The following FAM76A variants were observed in gnomAD, a reference collection of about 807,000 sequenced individuals.
FAM76A encodes protein FAM76A.
A neutral mutation model predicts 46.2 loss-of-function variants in FAM76A; 32 were observed. That is an observed-to-expected ratio of 0.69 (90% CI 0.52 to 0.93). The LOEUF is 0.93. FAM76A is among the 40% of genes least tolerant of loss of function. The probability of loss-of-function intolerance (pLI) is 0.00; values close to 1 mark genes in which losing one functional copy is unlikely to be tolerated. For synonymous variants in FAM76A, 137 were observed against 127.0 expected (o/e 1.08, Z -0.53); for missense variants, 274 against 361.5 (o/e 0.76, Z 1.96).
rs554098345 is a variant in FAM76A, at chr1:27,761,149, T to C, written c.*568T>C. ...GGTTTTTTTCCAGATGTATTATGTA[T>C]GAACTTTGTACTATGTATAGCCAGA... On this transcript the variant is annotated 3_prime_UTR_variant, in exon 9 of 9. Coordinates refer to ENST00000373954, the MANE Select transcript of FAM76A (RefSeq NM_152660.3). 6.6e-6 allele frequency: 1 copy of C among 152,384 alleles called. No homozygotes were observed. Among genetic ancestry groups the C allele is most frequent in the Non-Finnish European group, 1.5e-5 (1 of 68,010 alleles). The allele number at this position is 152,384 out of a possible 1,614,324, so 9.4% of individuals were successfully genotyped here. A position where few individuals can be genotyped will look rare whatever the true frequency, so the allele number is the denominator to read the frequency against.
chr1:27,745,209 C>G (rs2088222568), intron 5 of FAM76A, among the ~76,000 whole-genome samples: 1 of 152,012 alleles, frequency 6.6e-6, no homozygotes, highest in Non-Finnish European at 1.5e-5. Flanking sequence ...AAAAAGATGT[C>G]TTTTCATTGT....
intron 4 of FAM76A, chr1:27,739,082 C>G (rs1262069682): frequency 3.4e-6 from 1 of 297,150 alleles, no homozygotes; most frequent in Non-Finnish European, 6.6e-6. Flanking sequence ...TGCAGATAGC[C>G]CACTACACTA....
chr1:27,745,680 T>C (rs2088230273), intron 5 of FAM76A, among the ~76,000 whole-genome samples: 2 of 152,056 alleles, frequency 1.3e-5, no homozygotes, highest in Non-Finnish European at 2.9e-5. Context: ...ATGAGGGTAG[T>C]AATTAACTGC....
intron 1 of FAM76A, 67 bp downstream of exon 1, chr1:27,726,228 T>C: frequency 4.1e-6 from 5 of 1,209,082 alleles, no homozygotes; most frequent in Non-Finnish European, 5.2e-6. Flanking sequence ...CTCCAGATTC[T>C]GTGGGGACGC....
At chr1:27,731,221 T>C (rs1318769019) in intron 2 of FAM76A, among the ~76,000 whole-genome samples, 3 of 143,390 alleles carry the variant, frequency 2.1e-5, no homozygotes, top group African/African-American at 8.6e-5. Context: ...TTTTTTTTTT[T>C]TCGAGACACA....
intron 5 of FAM76A, among the ~76,000 whole-genome samples, chr1:27,746,703 G>A (rs190939675): frequency 3.9e-4 from 59 of 152,210 alleles, no homozygotes; most frequent in Non-Finnish European, 2.1e-4. Flanking sequence ...CTCCATGCTC[G>A]GTGACAGAGC....
At chr1:27,732,513 C>T (rs1571468466) in intron 2 of FAM76A, 90 bp from the exon 3 acceptor site, 1 of 1,062,688 alleles carries the variant, frequency 9.4e-7, no homozygotes, top group Non-Finnish European at 1.4e-6. Context: ...CTCACTTTGG[C>T]CCTTAGCAAT....
intron 4 of FAM76A, among the ~76,000 whole-genome samples, chr1:27,736,104 G>A (rs778107662): frequency 3.9e-5 from 6 of 152,016 alleles, no homozygotes; most frequent in South Asian, 4.1e-4. Flanking sequence ...GATGGATCAC[G>A]AGGTCAGGAG....
intron 5 of FAM76A, among the ~76,000 whole-genome samples, chr1:27,745,327 T>C (rs543854933): frequency 6.6e-6 from 1 of 152,250 alleles, no homozygotes; most frequent in African/African-American, 2.4e-5. Flanking sequence ...AGTTTTCTCA[T>C]CTGTAAAATG....
Position 27,726,072 on chromosome 1 carries a change from G to A in FAM76A, c.-9G>A, listed in dbSNP as rs2087852591. 6.5e-6 allele frequency: 8 copies of A among 1,238,466 alleles called. No individual in the cohort carries two copies. The East Asian group carries it at 2.2e-4, about 35-fold the overall frequency. 76.7% of individuals were successfully genotyped at this position (1,238,466 alleles called of 1,614,324 possible). On this transcript the variant is annotated 5_prime_UTR_variant, in exon 1 of 9. Coordinates refer to ENST00000373954, the MANE Select transcript of FAM76A (RefSeq NM_152660.3). ...GCCGGCGGGTCGGTGAGCGCGGCCC[G>A]GGCCGGACATGGCGGCGCTCTACGC... is the stretch of plus-strand genomic sequence containing the variant.
intron 7 of FAM76A, among the ~76,000 whole-genome samples, chr1:27,758,514 T>A (rs2148588562): frequency 6.6e-6 from 1 of 152,216 alleles, no homozygotes; most frequent in African/African-American, 2.4e-5. Context: ...TTATTTTTAT[T>A]TTTTTGAGAC....
chr1:27,740,486 A>G (rs2088132684), intron 4 of FAM76A: 1 of 1,464,232 alleles, frequency 6.8e-7, no homozygotes, highest in Admixed American at 1.7e-5. Context: ...AGGTCCTGAC[A>G]CTGTCCACAA....
chr1:27,751,298 T>G (rs776183241), intron 6 of FAM76A, among the ~76,000 whole-genome samples: 1 of 152,264 alleles, frequency 6.6e-6, no homozygotes, highest in Non-Finnish European at 1.5e-5. Flanking sequence ...ATTAGCATTT[T>G]TAACATTCTA....
intron 2 of FAM76A, 27 bp downstream of exon 2, chr1:27,727,563 A>G: frequency 1.3e-6 from 2 of 1,570,304 alleles, no homozygotes; most frequent in African/African-American, 2.7e-5. Flanking sequence ...CATGAAAGAT[A>G]TTAATAGGCT....
chr1:27,739,783 G>A (rs1009579986), intron 4 of FAM76A, among the ~76,000 whole-genome samples: 1 of 152,114 alleles, frequency 6.6e-6, no homozygotes, highest in African/African-American at 2.4e-5. Flanking sequence ...GTGAGACCCT[G>A]TCACAAAAAT....
intron 6 of FAM76A, among the ~76,000 whole-genome samples, chr1:27,750,248 T>A (rs1045712993): frequency 4.6e-5 from 7 of 152,358 alleles, no homozygotes; most frequent in Middle Eastern, 3.4e-3. Context: ...TCTTTCCCAT[T>A]GCCTTTTTTG....
Position 27,760,950 on chromosome 1 carries a change from T to G in FAM76A, c.*369T>G, listed in dbSNP as rs1162323705. ...GTGCAGAATGATTTGTTTTTTGTTT[T>G]TTTTTTTTTTTTTGGTCCTTCATTG... On this transcript the variant is annotated 3_prime_UTR_variant, in exon 9 of 9. Transcript: ENST00000373954. 2.8e-5 allele frequency: 4 copies of G among 140,696 alleles called. No individual in the cohort carries two copies. Among genetic ancestry groups the G allele is most frequent in the Non-Finnish European group, 6.0e-5 (4 of 66,124 alleles). The allele number at this position is 140,696 out of a possible 1,614,324, so 8.7% of individuals were successfully genotyped here. A position where few individuals can be genotyped will look rare whatever the true frequency, so the allele number is the denominator to read the frequency against.
In FAM76A at chr1:27,744,651, C is replaced by T. The variant is rs1392688034; in HGVS notation, c.355-3C>T. 6.2e-7 allele frequency: 1 copy of T among 1,613,620 alleles called. No homozygotes were observed. Among genetic ancestry groups the T allele is most frequent in the African/African-American group, 1.3e-5 (1 of 74,902 alleles). On this transcript the variant is annotated splice_polypyrimidine_tract_variant and splice_region_variant and intron_variant, in intron 4 of 8. Coordinates refer to ENST00000373954, the MANE Select transcript of FAM76A (RefSeq NM_152660.3). ...TCTTTATCTTTGTCTCCTTGTCTTT[C>T]AGGTAGATGGGAAATTGCTGTGCTG...
chr1:27,748,227 G>T (rs1039451184), intron 5 of FAM76A, among the ~76,000 whole-genome samples: 24 of 140,934 alleles, frequency 1.7e-4, no homozygotes, highest in Middle Eastern at 3.9e-3. Context: ...CCGGGTTCAC[G>T]CCATTCTCCT....
Sources: gnomAD v4.1 joint callset for allele counts (sites outside exome capture counted in the v4.1 genomes callset) on GRCh38, gnomAD v4.1.1 for gene constraint, MANE v1.5 for transcripts, NCBI Gene and HGNC (gene_info 2026-07-23, HGNC 2026-07-21) for gene names.